PTPRQ: variants seen among roughly 807,000 people sequenced by gnomAD.
The protein encoded by PTPRQ is protein tyrosine phosphatase receptor type Q, also known as phosphatidylinositol phosphatase PTPRQ.
In PTPRQ, 199 loss-of-function variants were observed where a neutral mutation model predicts 246.0. That is an observed-to-expected ratio of 0.81 (90% CI 0.72 to 0.91). The LOEUF is 0.91. Among genes scored for constraint, PTPRQ ranks in the 40% least tolerant of loss-of-function variants. PTPRQ has a pLI of 0.00. For missense variants in PTPRQ, 2,624 were observed against 2,528.4 expected, an observed-to-expected ratio of 1.04 and a Z score of -0.81; for synonymous variants, 869 against 853.2, an observed-to-expected ratio of 1.02 and a Z score of -0.32.
At chr12:80,557,121 A>G (rs1896668233) in intron 25 of PTPRQ, among the ~76,000 whole-genome samples, 2 of 152,096 alleles carry the variant, frequency 1.3e-5, no homozygotes, top group South Asian at 4.1e-4. Context: ...TTCATTACAT[A>G]TTTACTGAGC....
chr12:80,484,363 G>T, intron 8 of PTPRQ, 70 bp from the exon 9 acceptor site: 8 of 1,466,158 alleles, frequency 5.5e-6, no homozygotes, highest in South Asian at 1.3e-5. Flanking sequence ...TAAGAATTTA[G>T]GCACTTTTTT....
chr12:80,561,128 TC>T (rs1445052157), intron 25 of PTPRQ: 3 of 152,214 alleles, frequency 2.0e-5, no homozygotes, highest in Admixed American at 2.0e-4. Context: ...CTCATAAACC[TC>T]CCTAATTTTA....
intron 43 of PTPRQ, among the ~76,000 whole-genome samples, chr12:80,676,300 T>C (rs1747807213): frequency 6.6e-6 from 1 of 152,130 alleles, no homozygotes; most frequent in South Asian, 2.1e-4. Context: ...GGCACTGAGG[T>C]GTATAGCCCT....
Position 80,514,402 on chromosome 12 carries a change from A to ACACACACACACACACACACTCT in PTPRQ, c.2678+3960_2678+3961insACACACACACACACACACTCTC, listed in dbSNP as rs552667526. Among the ~76,000 whole-genome samples, 94 of 113,022 alleles carry ACACACACACACACACACACTCT rather than the reference A, an allele frequency of 8.3e-4. 1 individual carries two copies. Among genetic ancestry groups the ACACACACACACACACACACTCT allele is most frequent in the South Asian group, 1.6e-3 (5 of 3,088 alleles). 74.1% of individuals were successfully genotyped at this position (113,022 alleles called of 152,430 possible). On this transcript the variant is annotated intron_variant, in intron 17 of 44. Transcript: ENST00000644991. Reference sequence around the variant, plus strand: ...CACACACACACACACACACACACACACTCTCTCTCTCTCTCTCTGCTTTAA... The same window carrying ACACACACACACACACACACTCT: ...CACACACACACACACACACACACACACACACACACACACACACACTCTCTCTCTCTCTCTCTCTCTGCTTTAA...
intron 25 of PTPRQ, among the ~76,000 whole-genome samples, chr12:80,557,396 CAG>C (rs1472666704): frequency 6.6e-6 from 1 of 151,086 alleles, no homozygotes; most frequent in Non-Finnish European, 1.5e-5. Context: ...TGCATGGGGA[CAG>C]AGATTTTTCT....
At chr12:80,635,844 T>C (rs769021330) in intron 35 of PTPRQ, among the ~76,000 whole-genome samples, 6 of 152,012 alleles carry the variant, frequency 3.9e-5, no homozygotes, top group African/African-American at 1.2e-4. Context: ...GTAATGCTTA[T>C]AAGCACAAAG....
intron 17 of PTPRQ, among the ~76,000 whole-genome samples, chr12:80,528,024 G>A (rs1052637406): frequency 6.6e-6 from 1 of 152,072 alleles, no homozygotes; most frequent in African/African-American, 2.4e-5. Flanking sequence ...TGGGGCCATC[G>A]ACGCTGCAGT....
intron 43 of PTPRQ, 56 bp downstream of exon 43, chr12:80,673,360 A>C: frequency 6.6e-7 from 1 of 1,514,142 alleles, no homozygotes; most frequent in Non-Finnish European, 8.9e-7. Context: ...CACATGGGAG[A>C]TCTTAGTGGC....
At chr12:80,616,348 G>C in intron 30 of PTPRQ, 82 bp downstream of exon 30, 1 of 1,343,550 alleles carries the variant, frequency 7.4e-7, no homozygotes, top group African/African-American at 1.5e-5. Flanking sequence ...TAAGGATGTA[G>C]ACAAGCCTTT....
At position 80,549,491 on chromosome 12, in the gene PTPRQ, T is replaced by C; in HGVS notation, c.4042T>C (p.Cys1348Arg). Residue 1348 changes from cysteine to arginine, a missense_variant, in exon 25 of 45, where the codon TGC becomes CGC. Coordinates refer to ENST00000644991, the MANE Select transcript of PTPRQ (RefSeq NM_001145026.2). ...TCCAGATGTCGTGCAGAATATGCAG[T>C]GCATGGCAACTAGCTGGCAGTCAGT... ...SVPDVVQNMQ[C>R]MATSWQSVLV... 1 of 1,550,702 alleles carries C rather than the reference T, an allele frequency of 6.4e-7. No homozygotes were observed. The highest frequency in any genetic ancestry group is 8.7e-7 in the Non-Finnish European group (1 of 1,146,362).
At chr12:80,610,741 A>G (rs1248043441) in intron 28 of PTPRQ, 116 bp downstream of exon 28, 3 of 1,298,508 alleles carry the variant, frequency 2.3e-6, no homozygotes, top group Non-Finnish European at 3.0e-6. Context: ...TAAAGCATAT[A>G]AACAAAAAAA....
chr12:80,604,987 T>C, intron 26 of PTPRQ, 72 bp from the exon 27 acceptor site: 1 of 1,358,478 alleles, frequency 7.4e-7, no homozygotes, highest in Non-Finnish European at 9.6e-7. Flanking sequence ...TTTTTCATGG[T>C]CTTTTCTATT....
rs369640251 is a variant in PTPRQ at position 80,658,578 on chromosome 12, A to G, written c.6192+517A>G. Among the ~76,000 whole-genome samples, 6 of 152,076 alleles carry G rather than the reference A, an allele frequency of 3.9e-5. No homozygotes were observed. In the East Asian group the frequency reaches 5.8e-4, roughly 15 times the overall value. On this transcript the variant is annotated intron_variant, in intron 39 of 44. Transcript: ENST00000644991. ...AATCTTAAAGAAGGAAGTGCCTTGAATTTGACCATTCACCTTGAAACTCTA... is the reference window on the plus strand; with the variant it reads ...AATCTTAAAGAAGGAAGTGCCTTGAGTTTGACCATTCACCTTGAAACTCTA...
intron 17 of PTPRQ, 63 bp downstream of exon 17, chr12:80,510,506 T>G: frequency 7.3e-7 from 1 of 1,370,958 alleles, no homozygotes; most frequent in Non-Finnish European, 9.6e-7. Context: ...ATAATAGGAA[T>G]GTAGCTTTTA....
chr12:80,643,681 A>C (rs1296351028), intron 35 of PTPRQ, among the ~76,000 whole-genome samples: 3 of 152,140 alleles, frequency 2.0e-5, no homozygotes, highest in Non-Finnish European at 2.9e-5. Flanking sequence ...AAATAACAAA[A>C]ATTAAGGCAC....
intron 25 of PTPRQ, among the ~76,000 whole-genome samples, chr12:80,578,050 T>A (rs1430115448): frequency 6.6e-6 from 1 of 152,098 alleles, no homozygotes; most frequent in Non-Finnish European, 1.5e-5. Context: ...ATGGGAAATT[T>A]TTTTTTTTGG....
chr12:80,615,500 G>T (rs188130008), intron 29 of PTPRQ, among the ~76,000 whole-genome samples: 2 of 151,180 alleles, frequency 1.3e-5, no homozygotes, highest in Admixed American at 6.6e-5. Flanking sequence ...TCTGTCTACA[G>T]CTTCCTTAGC....
intron 33 of PTPRQ, among the ~76,000 whole-genome samples, chr12:80,627,298 G>T (rs1441472698): frequency 6.6e-6 from 1 of 150,550 alleles, no homozygotes; most frequent in Non-Finnish European, 1.5e-5. Context: ...GGCCAAAAGA[G>T]AAGATGAACT....
chr12:80,585,814 T>C lies in PTPRQ; in HGVS notation c.4286-2315T>C, dbSNP rs567081644. ...TAGTTACATATGTATACATGTGCCA[T>C]GCTGGTGCGCTGCACCCACTAACTC... On this transcript the variant is annotated intron_variant, in intron 25 of 44. Transcript: ENST00000644991. 1.1e-3 allele frequency among the ~76,000 whole-genome samples: 169 copies of C among 151,148 alleles called. 1 individual carries two copies. The highest frequency in any genetic ancestry group is 1.7e-3 in the Non-Finnish European group (113 of 67,686).
Sources: gnomAD v4.1 joint callset for allele counts (sites outside exome capture counted in the v4.1 genomes callset) on GRCh38, gnomAD v4.1.1 for gene constraint, MANE v1.5 for transcripts, NCBI Gene and HGNC (gene_info 2026-07-23, HGNC 2026-07-21) for gene names.